IQCK: variants seen among roughly 807,000 people sequenced by gnomAD.
IQCK encodes IQ domain-containing protein K.
IQCK carries 29 observed loss-of-function variants against 28.1 expected under a neutral mutation model. That is an observed-to-expected ratio of 1.03 (90% confidence interval 0.77 to 1.41). The LOEUF is 1.41. IQCK is among the 40% of genes most tolerant of loss of function. The pLI is 0.00. For missense variants in IQCK, 359 were observed against 314.7 expected (o/e 1.14, Z -1.07); for synonymous variants, 113 against 115.1 (o/e 0.98, Z 0.12).
At chr16:19,856,492 T>C (rs1383710472) in exon 10 of IQCK, 2 of 1,613,596 alleles carry the variant, frequency 1.2e-6, no homozygotes. Context: ...TGCAGTGAAA[T>C]GCAAAATGGA....
intron 7 of IQCK, among the ~76,000 whole-genome samples, chr16:19,793,658 T>TTG (rs1487738708): frequency 2.3e-5 from 3 of 132,574 alleles, no homozygotes; most frequent in African/African-American, 6.5e-5. Flanking sequence ...TTTTTTTTTT[T>TTG]TTTTTTTTTT....
At chr16:19,728,536 C>T (rs1300468385) in intron 1 of IQCK, among the ~76,000 whole-genome samples, 4 of 152,160 alleles carry the variant, frequency 2.6e-5, no homozygotes, top group Admixed American at 6.6e-5. Context: ...AGATCTTAGC[C>T]ACCATGACTG....
At chr16:19,730,301 G>A (rs976199784) in intron 1 of IQCK, 129 bp from the exon 2 acceptor site, 4 of 631,944 alleles carry the variant, frequency 6.3e-6, no homozygotes, top group Non-Finnish European at 1.1e-5. Flanking sequence ...GTCATGGCCA[G>A]TTGTTTTTTC....
chr16:19,840,105 C>T (rs1001921573), intron 9 of IQCK, among the ~76,000 whole-genome samples: 11 of 152,036 alleles, frequency 7.2e-5, no homozygotes, highest in Non-Finnish European at 1.6e-4. Context: ...CCTGTAATCT[C>T]AGGACTTTGG....
intron 4 of IQCK, among the ~76,000 whole-genome samples, chr16:19,755,936 A>C (rs1313247540): frequency 6.6e-6 from 1 of 152,216 alleles, no homozygotes; most frequent in Non-Finnish European, 1.5e-5. Context: ...TAATGCCAGC[A>C]CTTTGGGAGG....
At chr16:19,827,168 A>C (rs753313899) in exon 8 of IQCK, 3 of 1,443,494 alleles carry the variant, frequency 2.1e-6, no homozygotes, top group African/African-American at 2.8e-5. Flanking sequence ...TCCTTAGTTC[A>C]TTCAAGAAAA....
intron 7 of IQCK, among the ~76,000 whole-genome samples, chr16:19,816,440 C>A (rs1192659205): frequency 1.3e-5 from 2 of 152,112 alleles, no homozygotes; most frequent in Non-Finnish European, 2.9e-5. Flanking sequence ...TGCCACCACA[C>A]CCAGATAATT....
intron 9 of IQCK, among the ~76,000 whole-genome samples, chr16:19,848,561 C>T (rs1186549769): frequency 6.6e-6 from 1 of 152,120 alleles, no homozygotes; most frequent in Non-Finnish European, 1.5e-5. Context: ...TCCTGCAGTC[C>T]ACCTGGGGGG....
At chr16:19,857,398 AG>A (rs1451830563) in exon 10 of IQCK, 2 of 426,892 alleles carry the variant, frequency 4.7e-6, no homozygotes, top group African/African-American at 4.2e-5. Context: ...ATATTTATAT[AG>A]TCGTTTATGG....
At chr16:19,765,221 C>CAAA (rs756571642) in intron 6 of IQCK, among the ~76,000 whole-genome samples, 2 of 62,946 alleles carry the variant, frequency 3.2e-5, no homozygotes, top group Non-Finnish European at 3.2e-5. Context: ...GACTCCATCT[C>CAAA]AAAAAAAAAA....
At chr16:19,858,282 TA>T in exon 10 of IQCK, 1 of 410,502 alleles carries the variant, frequency 2.4e-6, no homozygotes, top group East Asian at 3.6e-5. Context: ...AAAGCCAAAA[TA>T]AAACAAAACC....
chr16:19,819,048 C>T (rs771112776), intron 7 of IQCK, among the ~76,000 whole-genome samples: 23 of 152,120 alleles, frequency 1.5e-4, no homozygotes, highest in Non-Finnish European at 2.4e-4. Context: ...GTTATCAAAA[C>T]CTGTTGGAGG....
intron 4 of IQCK, among the ~76,000 whole-genome samples, chr16:19,737,203 G>A (rs184115479): frequency 1.2e-4 from 18 of 151,988 alleles, no homozygotes; most frequent in African/African-American, 4.3e-4. Context: ...AGTAATTACA[G>A]TGTAAACCCC....
intron 9 of IQCK, among the ~76,000 whole-genome samples, chr16:19,848,196 T>C (rs1168242321): frequency 6.6e-6 from 1 of 152,202 alleles, no homozygotes; most frequent in Non-Finnish European, 1.5e-5. Flanking sequence ...ACCATTCTGG[T>C]GGGTGTGTGG....
chr16:19,725,511 T>C (rs371396700), intron 1 of IQCK, among the ~76,000 whole-genome samples: 1 of 152,324 alleles, frequency 6.6e-6, no homozygotes, highest in East Asian at 1.9e-4. Flanking sequence ...CCCCTGATTT[T>C]CTTAAGTATT....
exon 1 of IQCK, chr16:19,718,417 C>T: frequency 6.2e-7 from 1 of 1,606,156 alleles, no homozygotes; most frequent in Non-Finnish European, 8.5e-7. Context: ...TCGCGTCCCG[C>T]GAGCTGCCTG....
At chr16:19,727,129 T>G (rs551679609) in intron 1 of IQCK, among the ~76,000 whole-genome samples, 29 of 134,980 alleles carry the variant, frequency 2.1e-4, no homozygotes, top group African/African-American at 8.1e-4. Flanking sequence ...AGACTCGGTC[T>G]CAAAAAAAAA....
At chr16:19,809,045 C>T (rs1397396044) in intron 7 of IQCK, among the ~76,000 whole-genome samples, 7 of 152,234 alleles carry the variant, frequency 4.6e-5, no homozygotes, top group South Asian at 2.1e-4. Flanking sequence ...TTAGTAGAGA[C>T]GGGGTTTCAC....
intron 4 of IQCK, among the ~76,000 whole-genome samples, chr16:19,737,203 G>C (rs184115479): frequency 3.8e-4 from 58 of 152,106 alleles, no homozygotes; most frequent in Middle Eastern, 3.4e-3. Flanking sequence ...AGTAATTACA[G>C]TGTAAACCCC....
Sources: allele counts gnomAD v4.1 joint callset (sites outside exome capture counted in the v4.1 genomes callset), GRCh38; gene constraint gnomAD v4.1.1; transcripts MANE v1.5; gene names NCBI Gene and HGNC (gene_info 2026-07-23, HGNC 2026-07-21).